Variants in TTC7A observed in about 807,000 individuals in gnomAD.
TTC7A encodes tetratricopeptide repeat protein 7A.
Under a neutral mutation model 103.7 loss-of-function variants are expected in TTC7A, and 110 were observed. The observed-to-expected ratio is 1.06, with a 90% CI of 0.91 to 1.24. The LOEUF (loss-of-function observed/expected upper bound fraction) is 1.24, where lower values mean the gene tolerates loss of function less well. Among genes scored for constraint, TTC7A ranks in the 50% most tolerant of loss-of-function variants. TTC7A has a pLI of 0.00. For synonymous variants in TTC7A, 521 were observed against 467.9 expected (o/e 1.11, Z -1.47); for missense variants, 1,340 against 1,116.3 (o/e 1.20, Z -2.86).
At chr2:47,030,485 C>T (rs1680413603) in intron 15 of TTC7A, among the ~76,000 whole-genome samples, 1 of 152,258 alleles carries the variant, frequency 6.6e-6, no homozygotes. Flanking sequence ...GCCAGCGTGC[C>T]GAGCACTGCT....
At position 47,006,663 on chromosome 2, in the gene TTC7A, T is replaced by A; in HGVS notation, c.1226T>A (p.Phe409Tyr). Residue 409 changes from phenylalanine (F) to tyrosine (Y), a missense_variant, in exon 10 of 20, where the codon TTT becomes TAT. Phe to Tyr is a conservative substitution (Grantham distance 22). Transcript: ENST00000319190. Reference sequence around the variant, plus strand: ...CAGTGCCTGGAGCGAGCCATGAAGTTTGCGTTTGGAGAATTTCACCTTTGG... The same window carrying A: ...CAGTGCCTGGAGCGAGCCATGAAGTATGCGTTTGGAGAATTTCACCTTTGG... The part of the protein sequence containing the change: ...LSECLERAMK[F>Y]AFGEFHLWYQ... 1 of 1,614,194 alleles carries A rather than the reference T, an allele frequency of 6.2e-7. No homozygotes were observed. The highest frequency in any genetic ancestry group is 8.5e-7 in the Non-Finnish European group (1 of 1,180,020).
At chr2:46,944,114 G>A (rs1408898077) in intron 1 of TTC7A, among the ~76,000 whole-genome samples, 2 of 152,140 alleles carry the variant, frequency 1.3e-5, no homozygotes, top group East Asian at 1.9e-4. Context: ...GGATGGAGCA[G>A]GGGAACCCCA....
At chr2:46,941,061 G>A (rs1409446264), upstream of TTC7A, 26 of 149,650 alleles carry the variant, frequency 1.7e-4, 2 homozygotes, top group South Asian at 3.3e-3. The surrounding 1 kb of genome is among the most constrained non-coding windows in gnomAD (Gnocchi z 4.2). Flanking sequence ...GCGGGGGGCG[G>A]GTACCCGGGC....
chr2:46,957,606 G>A (rs1345639388), intron 3 of TTC7A, among the ~76,000 whole-genome samples: 1 of 152,212 alleles, frequency 6.6e-6, no homozygotes, highest in Non-Finnish European at 1.5e-5. Context: ...CTCTGGAGGG[G>A]ATTTAGGGAC....
Position 47,073,967 on chromosome 2 carries a change from G to T in TTC7A, c.*44G>T, listed in dbSNP as rs200154660. On this transcript the variant is annotated 3_prime_UTR_variant, in exon 20 of 20. Transcript: ENST00000319190. ...GAGGGAGGGGCTGGCCAGAGGGAGA[G>T]GCAGCAGGGAACGTGGGTCAGGGTG... The T allele has an allele frequency of 2.5e-5, 38 of 1,549,062 alleles. No individual in the cohort carries two copies. In the East Asian group the frequency reaches 8.8e-4, roughly 36 times the overall value.
chr2:46,926,847 T>TGCTTA (rs2103823526), intron 2 of TTC7A, among the ~76,000 whole-genome samples: 2 of 152,360 alleles, frequency 1.3e-5, no homozygotes, highest in East Asian at 3.9e-4. Context: ...TGTTAAACAC[T>TGCTTA]GCTTACTATC....
At chr2:47,026,472 A>G (rs12373780) in intron 14 of TTC7A, among the ~76,000 whole-genome samples, 29,225 of 152,134 alleles carry the variant, frequency 0.19, 3,195 homozygotes, top group African/African-American at 0.31. Context: ...CCAACACAGA[A>G]GCCAGGCAGA....
intron 4 of TTC7A, among the ~76,000 whole-genome samples, chr2:46,977,510 A>G (rs1279888849): frequency 6.6e-6 from 1 of 152,148 alleles, no homozygotes; most frequent in Non-Finnish European, 1.5e-5. Context: ...TAATGAGGTA[A>G]TTGTTCCTCA....
At chr2:47,069,441 C>A (rs1441812481) in intron 19 of TTC7A, among the ~76,000 whole-genome samples, 1 of 152,142 alleles carries the variant, frequency 6.6e-6, no homozygotes, top group African/African-American at 2.4e-5. Context: ...CTAGGTTGGG[C>A]TCCTTGTGAG....
chr2:47,040,981 A>C (rs994988400), intron 15 of TTC7A, among the ~76,000 whole-genome samples: 1 of 152,042 alleles, frequency 6.6e-6, no homozygotes, highest in Admixed American at 6.6e-5. Context: ...TAAATGTTGA[A>C]AGCTGCTGGA....
intron 18 of TTC7A, among the ~76,000 whole-genome samples, chr2:47,060,534 G>A (rs921685584): frequency 1.3e-5 from 2 of 152,200 alleles, no homozygotes; most frequent in Admixed American, 6.5e-5. Flanking sequence ...TAACTGGGAC[G>A]ATCTTGGTGC....
At chr2:47,012,477 C>T (rs1037072921) in intron 11 of TTC7A, among the ~76,000 whole-genome samples, 13 of 152,210 alleles carry the variant, frequency 8.5e-5, no homozygotes, top group Admixed American at 7.2e-4. Flanking sequence ...CTGACACCTT[C>T]GGCCACCCCC....
chr2:46,989,915 A>G (rs1344408449), intron 5 of TTC7A, among the ~76,000 whole-genome samples: 1 of 152,020 alleles, frequency 6.6e-6, no homozygotes, highest in African/African-American at 2.4e-5. Context: ...CTGCTGGTCC[A>G]AGAGCGTTGA....
intron 5 of TTC7A, among the ~76,000 whole-genome samples, chr2:46,987,075 A>G (rs55633663): frequency 0.1 from 15,214 of 152,242 alleles, 873 homozygotes; most frequent in Admixed American, 0.14. Flanking sequence ...TAATTGAGCT[A>G]GAACTGAAGG....
intron 11 of TTC7A, among the ~76,000 whole-genome samples, chr2:47,012,299 T>G (rs1678159116): frequency 6.6e-6 from 1 of 152,202 alleles, no homozygotes; most frequent in Non-Finnish European, 1.5e-5. Flanking sequence ...CAGCCTCCTA[T>G]TTCTACCCTC....
At chr2:47,037,010 C>T (rs1409434204) in intron 15 of TTC7A, among the ~76,000 whole-genome samples, 1 of 152,140 alleles carries the variant, frequency 6.6e-6, no homozygotes, top group South Asian at 2.1e-4. Context: ...TCAGAGGGCC[C>T]TCCCTGCCCC....
chr2:47,028,818 T>G (rs1287369607), intron 14 of TTC7A, among the ~76,000 whole-genome samples: 1 of 152,100 alleles, frequency 6.6e-6, no homozygotes, highest in African/African-American at 2.4e-5. Context: ...ACACTTCCCT[T>G]CCTGTGGTCA....
At chr2:46,979,990 C>T (rs1002780946) in intron 5 of TTC7A, among the ~76,000 whole-genome samples, 1 of 152,194 alleles carries the variant, frequency 6.6e-6, no homozygotes, top group African/African-American at 2.4e-5. Flanking sequence ...GTGTGACCAC[C>T]TCCTCACACA....
chr2:47,051,694 G>A, intron 17 of TTC7A, 52 bp from the exon 18 acceptor site: 2 of 1,556,706 alleles, frequency 1.3e-6, no homozygotes, highest in Non-Finnish European at 8.7e-7. Flanking sequence ...CCTGGGGCCT[G>A]CAACGTGTGG....
Sources: allele counts gnomAD v4.1 joint callset (sites outside exome capture counted in the v4.1 genomes callset), GRCh38; gene constraint gnomAD v4.1.1; non-coding constraint Gnocchi (gnomAD v3.1); transcripts MANE v1.5; gene names NCBI Gene and HGNC (gene_info 2026-07-23, HGNC 2026-07-21).